GOLM2: variants seen among roughly 807,000 people sequenced by gnomAD.
The protein encoded by GOLM2 is golgi membrane protein 2, also known as protein GOLM2.
Under a neutral mutation model 55.9 loss-of-function variants are expected in GOLM2, and 26 were observed. The observed-to-expected ratio is 0.47, with a 90% CI of 0.34 to 0.65. The LOEUF (loss-of-function observed/expected upper bound fraction) is 0.65. Among genes scored for constraint, GOLM2 ranks in the 30% least tolerant of loss-of-function variants. The probability of loss-of-function intolerance (pLI) is 0.01; values close to 1 mark genes in which losing one functional copy is unlikely to be tolerated. For synonymous variants in GOLM2, 165 were observed against 194.6 expected (o/e 0.85, Z 1.27); for missense variants, 486 against 531.8 (o/e 0.91, Z 0.85).
chr15:44,295,527 A>C (rs1053367651), intron 1 of GOLM2, among the ~76,000 whole-genome samples: 1 of 152,178 alleles, frequency 6.6e-6, no homozygotes, highest in Admixed American at 6.5e-5. Context: ...GGGGTGTATT[A>C]GTTTGCTAGG....
chr15:44,299,280 G>T (rs1283578875), intron 1 of GOLM2, among the ~76,000 whole-genome samples: 2 of 151,666 alleles, frequency 1.3e-5, no homozygotes, highest in Admixed American at 6.6e-5. Flanking sequence ...TTGATTTTTT[G>T]ACTAGATAAT....
chr15:44,302,738 G>C (rs1595615142), intron 1 of GOLM2, among the ~76,000 whole-genome samples: 1 of 151,662 alleles, frequency 6.6e-6, no homozygotes, highest in African/African-American at 2.4e-5. Flanking sequence ...TGATCTGCCG[G>C]CCTTGGCCTC....
At chr15:44,331,207 G>A (rs929185981) in intron 3 of GOLM2, among the ~76,000 whole-genome samples, 44 of 152,198 alleles carry the variant, frequency 2.9e-4, no homozygotes, top group African/African-American at 7.5e-4. Context: ...AGTAGAGACA[G>A]GGTGTCATTG....
intron 8 of GOLM2, among the ~76,000 whole-genome samples, chr15:44,383,324 C>T (rs2079417497): frequency 6.6e-6 from 1 of 151,954 alleles, no homozygotes; most frequent in East Asian, 1.9e-4. Context: ...GTATAGTCCT[C>T]AGAACGAAAT....
chr15:44,363,365 C>A (rs1277252878), intron 6 of GOLM2, among the ~76,000 whole-genome samples: 1 of 152,038 alleles, frequency 6.6e-6, no homozygotes, highest in Non-Finnish European at 1.5e-5. Flanking sequence ...CAAACAACCC[C>A]ATCAAAAAGT....
chr15:44,383,803 A>C (rs2079421620), intron 8 of GOLM2, among the ~76,000 whole-genome samples: 1 of 149,614 alleles, frequency 6.7e-6, no homozygotes, highest in South Asian at 2.1e-4. Flanking sequence ...CACCTTCCTC[A>C]GTAGCTGAGA....
At chr15:44,296,610 G>T (rs2078758420) in intron 1 of GOLM2, among the ~76,000 whole-genome samples, 1 of 152,094 alleles carries the variant, frequency 6.6e-6, no homozygotes, top group African/African-American at 2.4e-5. Flanking sequence ...TTAAAACAGT[G>T]CCTACTACAT....
intron 1 of GOLM2, among the ~76,000 whole-genome samples, chr15:44,313,249 T>A (rs2078886462): frequency 6.6e-6 from 1 of 152,170 alleles, no homozygotes; most frequent in Non-Finnish European, 1.5e-5. Context: ...TGAAACTCCA[T>A]ATCAAAAATA....
chr15:44,303,114 A>C lies in GOLM2; in HGVS notation c.327+13758A>C, dbSNP rs941151317. On this transcript the variant is annotated intron_variant, in intron 1 of 9. Coordinates refer to ENST00000299957, the MANE Select transcript of GOLM2 (RefSeq NM_138423.4). ...CAATACTCCATCTCAATAAATAAAT[A>C]AATAAATAAATAAATAAATAAATAA... is the stretch of plus-strand genomic sequence containing the variant. 2.1e-3 allele frequency among the ~76,000 whole-genome samples: 320 copies of C among 149,290 alleles called. 2 individuals are homozygous for C. The highest frequency in any genetic ancestry group is 2.6e-3 in the Non-Finnish European group (175 of 67,800).
At chr15:44,290,944 C>T (rs769387038) in intron 1 of GOLM2, among the ~76,000 whole-genome samples, 7 of 151,976 alleles carry the variant, frequency 4.6e-5, no homozygotes, top group South Asian at 2.1e-4. Context: ...GCTGGGATTA[C>T]AGGCATGCAC....
At chr15:44,317,268 T>G (rs1374220948) in intron 1 of GOLM2, among the ~76,000 whole-genome samples, 1 of 152,092 alleles carries the variant, frequency 6.6e-6, no homozygotes, top group African/African-American at 2.4e-5. Context: ...TCCCAGCTAC[T>G]TGGGAGGCTG....
chr15:44,379,497 C>A (rs1043777112), intron 6 of GOLM2, among the ~76,000 whole-genome samples, 193 bp from the exon 7 acceptor site: 4 of 151,708 alleles, frequency 2.6e-5, no homozygotes, highest in South Asian at 2.1e-4. Context: ...AAAAAAAATT[C>A]TGTGATGAAT....
At chr15:44,291,734 C>T (rs1255771316) in intron 1 of GOLM2, among the ~76,000 whole-genome samples, 1 of 152,190 alleles carries the variant, frequency 6.6e-6, no homozygotes, top group Non-Finnish European at 1.5e-5. Context: ...TTTCCAGTCA[C>T]CTAGTAAGGG....
chr15:44,347,963 G>A (rs116185172), intron 6 of GOLM2, among the ~76,000 whole-genome samples: 1,725 of 152,218 alleles, frequency 0.011, 39 homozygotes, highest in African/African-American at 0.04. Context: ...GCGCCAGAAG[G>A]GAACCTCCTG....
chr15:44,384,119 C>T (rs1015898823), intron 8 of GOLM2, among the ~76,000 whole-genome samples: 14 of 152,052 alleles, frequency 9.2e-5, no homozygotes, highest in Non-Finnish European at 2.1e-4. Context: ...GTAAGTTACA[C>T]GTAAAATTCA....
intron 6 of GOLM2, among the ~76,000 whole-genome samples, chr15:44,376,915 G>A (rs1050085166): frequency 5.3e-5 from 8 of 151,842 alleles, no homozygotes; most frequent in Non-Finnish European, 8.8e-5. Context: ...CCAAGGCTGG[G>A]GTTTTCTAAA....
chr15:44,366,307 A>AC (rs1359841492), intron 6 of GOLM2, among the ~76,000 whole-genome samples: 2,428 of 151,604 alleles, frequency 0.016, 80 homozygotes, highest in East Asian at 0.095. Context: ...AAAAAAAAAA[A>AC]AAAAAAACAA....
chr15:44,356,112 G>A, intron 6 of GOLM2, among the ~76,000 whole-genome samples: 1 of 151,860 alleles, frequency 6.6e-6, no homozygotes, highest in East Asian at 1.9e-4. Context: ...AGCAGTGAAT[G>A]CATATGTTAG....
chr15:44,336,021 G>C (rs997407599), intron 4 of GOLM2, among the ~76,000 whole-genome samples: 1 of 151,866 alleles, frequency 6.6e-6, no homozygotes, highest in African/African-American at 2.4e-5. Context: ...CGCCATGTTG[G>C]TCCGGCTGAT....
Sources: gnomAD v4.1 joint callset for allele counts (sites outside exome capture counted in the v4.1 genomes callset) on GRCh38, gnomAD v4.1.1 for gene constraint, MANE v1.5 for transcripts, NCBI Gene and HGNC (gene_info 2026-07-23, HGNC 2026-07-21) for gene names.